Variants in NXPH1 observed in about 807,000 individuals in gnomAD.
NXPH1 encodes the protein neurexophilin-1.
In NXPH1, 5 loss-of-function variants were observed where a neutral mutation model predicts 23.7. The observed-to-expected ratio is 0.21, with a 90% CI of 0.11 to 0.44. The LOEUF (loss-of-function observed/expected upper bound fraction) is 0.44, where lower values mean the gene tolerates loss of function less well. Among genes scored for constraint, NXPH1 ranks in the 20% least tolerant of loss-of-function variants. The pLI, the probability that NXPH1 is intolerant of heterozygous loss-of-function variation, is 0.99. For missense variants in NXPH1, 324 were observed against 321.6 expected (o/e 1.01, Z -0.06); for synonymous variants, 144 against 122.2 (o/e 1.18, Z -1.18).
intron 2 of NXPH1, among the ~76,000 whole-genome samples, chr7:8,572,466 G>A (rs1818667449): frequency 6.6e-6 from 1 of 151,884 alleles, no homozygotes; most frequent in Admixed American, 6.6e-5. Flanking sequence ...TTTAAACCCT[G>A]CATACGTTTT....
intron 2 of NXPH1, among the ~76,000 whole-genome samples, chr7:8,695,748 GA>G (rs1562457282): frequency 6.6e-6 from 1 of 151,970 alleles, no homozygotes; most frequent in South Asian, 2.1e-4. Context: ...TTTTTATAAA[GA>G]AAAAATAGCC....
chr7:8,535,426 T>C (rs1438070954), intron 2 of NXPH1, among the ~76,000 whole-genome samples: 1 of 152,026 alleles, frequency 6.6e-6, no homozygotes, highest in Non-Finnish European at 1.5e-5. Flanking sequence ...TTAACAAAAA[T>C]ATACCCTGAA....
chr7:8,610,494 C>T lies in NXPH1; in HGVS notation c.55-140514C>T, dbSNP rs141634603. ...ATAACTTAAAAATTCCTTTGCAGAA[C>T]TTTATTACAGAAAAATTGATCACAT... On this transcript the variant is annotated intron_variant, in intron 2 of 2. Transcript: ENST00000405863. 3.1e-3 allele frequency among the ~76,000 whole-genome samples: 464 copies of T among 152,008 alleles called. 4 individuals are homozygous for T. The highest frequency in any genetic ancestry group is 0.011 in the African/African-American group (450 of 41,412).
chr7:8,659,813 A>G (rs1228219403), intron 2 of NXPH1, among the ~76,000 whole-genome samples: 1 of 152,196 alleles, frequency 6.6e-6, no homozygotes, highest in Admixed American at 6.5e-5. Context: ...TTTTCTGTCA[A>G]CTCAAATTAT....
At chr7:8,739,203 A>T (rs1780319284) in intron 2 of NXPH1, among the ~76,000 whole-genome samples, 1 of 140,000 alleles carries the variant, frequency 7.1e-6, no homozygotes, top group South Asian at 2.3e-4. Context: ...AAAAAAAAAA[A>T]ACCCTGCAGC....
chr7:8,527,667 T>C (rs1185847420), intron 2 of NXPH1, among the ~76,000 whole-genome samples: 1 of 152,206 alleles, frequency 6.6e-6, no homozygotes, highest in African/African-American at 2.4e-5. Flanking sequence ...ATCCAGACTC[T>C]GGCAGGAGAG....
At chr7:8,630,279 T>G (rs1375726380) in intron 2 of NXPH1, among the ~76,000 whole-genome samples, 7 of 152,132 alleles carry the variant, frequency 4.6e-5, no homozygotes, top group Admixed American at 4.6e-4. Context: ...TGAATTTAAT[T>G]CAATCCAATA....
intron 2 of NXPH1, chr7:8,690,234 T>C (rs550615993): frequency 2.0e-5 from 3 of 152,232 alleles, no homozygotes; most frequent in Non-Finnish European, 4.4e-5. Flanking sequence ...CCTGATTATC[T>C]TGTTTAGTAG....
At chr7:8,613,165 T>C (rs185744435) in intron 2 of NXPH1, among the ~76,000 whole-genome samples, 1 of 152,084 alleles carries the variant, frequency 6.6e-6, no homozygotes, top group East Asian at 1.9e-4. Context: ...GGTTTTTTTT[T>C]CAATCATTAT....
intron 2 of NXPH1, among the ~76,000 whole-genome samples, chr7:8,671,701 C>G (rs577324449): frequency 2.9e-4 from 44 of 152,272 alleles, no homozygotes; most frequent in Non-Finnish European, 5.3e-4. Context: ...AAAATTGGGT[C>G]TGGCACTGGT....
chr7:8,624,158 C>T (rs767483147), intron 2 of NXPH1, among the ~76,000 whole-genome samples: 1 of 152,058 alleles, frequency 6.6e-6, no homozygotes, highest in African/African-American at 2.4e-5. Flanking sequence ...AGTTTTTTAA[C>T]CCAAAGCATC....
chr7:8,500,402 G>C (rs1200719118), intron 2 of NXPH1, among the ~76,000 whole-genome samples: 3 of 152,056 alleles, frequency 2.0e-5, no homozygotes, highest in Admixed American at 2.0e-4. Context: ...TTAGGGTCAG[G>C]CTGCTTGAGT....
At chr7:8,633,517 G>GT (rs1371417022) in intron 2 of NXPH1, among the ~76,000 whole-genome samples, 10 of 152,154 alleles carry the variant, frequency 6.6e-5, no homozygotes, top group Non-Finnish European at 1.3e-4. Flanking sequence ...ACAGTGTTGC[G>GT]TGACAACCGA....
intron 2 of NXPH1, among the ~76,000 whole-genome samples, chr7:8,570,008 C>G (rs1359201870): frequency 6.6e-6 from 1 of 151,748 alleles, no homozygotes; most frequent in Non-Finnish European, 1.5e-5. Context: ...GGTACAATGC[C>G]CAGCATTCAT....
intron 2 of NXPH1, among the ~76,000 whole-genome samples, chr7:8,518,455 T>C (rs1313415122): frequency 6.6e-6 from 1 of 152,114 alleles, no homozygotes; most frequent in Non-Finnish European, 1.5e-5. Context: ...CAGAAGAATA[T>C]ATAAAGCATA....
chr7:8,741,626 GTT>G (rs571524989), intron 2 of NXPH1, among the ~76,000 whole-genome samples: 121 of 152,170 alleles, frequency 8.0e-4, no homozygotes, highest in Non-Finnish European at 1.0e-3. Flanking sequence ...TATCACTGTT[GTT>G]TTGATTTACA....
At chr7:8,696,817 G>A (rs1271587541) in intron 2 of NXPH1, among the ~76,000 whole-genome samples, 2 of 137,414 alleles carry the variant, frequency 1.5e-5, no homozygotes, top group East Asian at 4.3e-4. Flanking sequence ...CTCCAGCCTG[G>A]GTGACAGAGC....
chr7:8,662,890 G>C (rs1325698770), intron 2 of NXPH1, among the ~76,000 whole-genome samples: 1 of 151,932 alleles, frequency 6.6e-6, no homozygotes, highest in Non-Finnish European at 1.5e-5. Context: ...AACAATAAAA[G>C]GTTATGCATT....
At chr7:8,679,649 C>A (rs1202263655) in intron 2 of NXPH1, among the ~76,000 whole-genome samples, 2 of 152,260 alleles carry the variant, frequency 1.3e-5, no homozygotes, top group South Asian at 2.1e-4. Flanking sequence ...TATTTGTGAT[C>A]AAATGTGTCT....
Sources: allele counts gnomAD v4.1 joint callset (sites outside exome capture counted in the v4.1 genomes callset), GRCh38; gene constraint gnomAD v4.1.1; transcripts MANE v1.5; gene names NCBI Gene and HGNC (gene_info 2026-07-23, HGNC 2026-07-21).